Variants in DPP6 observed in about 807,000 individuals in gnomAD.
DPP6 encodes the protein A-type potassium channel modulatory protein DPP6.
In DPP6, 69 loss-of-function variants were observed where a neutral mutation model predicts 122.6. That is an observed-to-expected ratio of 0.56 (90% CI 0.46 to 0.69). DPP6 has a LOEUF of 0.69. Among genes scored for constraint, DPP6 ranks in the 30% least tolerant of loss-of-function variants. The pLI is 0.00. For synonymous variants in DPP6, 418 were observed against 433.1 expected (o/e 0.97, Z 0.43); for missense variants, 928 against 1,116.9 (o/e 0.83, Z 2.41).
chr7:153,940,858 C>T (rs1801665116), intron 1 of DPP6, among the ~76,000 whole-genome samples: 1 of 152,164 alleles, frequency 6.6e-6, no homozygotes, highest in Non-Finnish European at 1.5e-5. Context: ...TGCGCAGCTT[C>T]AAGACAAGGT....
intron 1 of DPP6, among the ~76,000 whole-genome samples, chr7:154,230,902 C>T (rs904064457): frequency 6.6e-6 from 1 of 152,176 alleles, no homozygotes; most frequent in Non-Finnish European, 1.5e-5. Context: ...AACTATTCTA[C>T]CTGTAAGTGC....
chr7:154,887,587 C>A, intron 22 of DPP6, 89 bp from the exon 23 acceptor site: 1 of 1,354,756 alleles, frequency 7.4e-7, no homozygotes, highest in Non-Finnish European at 1.1e-6. Flanking sequence ...TCACCCCGCA[C>A]CCGGTCCAGG....
chr7:153,768,767 A>G, the DPP6 span, among the ~76,000 whole-genome samples: 16 of 152,174 alleles, frequency 1.1e-4, no homozygotes, highest in Non-Finnish European at 1.6e-4. Context: ...ATTGCAGTGT[A>G]TTTACCACCT....
chr7:154,383,693 C>G (rs1813828877), intron 1 of DPP6, among the ~76,000 whole-genome samples: 1 of 152,068 alleles, frequency 6.6e-6, no homozygotes, highest in Admixed American at 6.5e-5. Flanking sequence ...AGTTCGAGAC[C>G]AGCCTGGCCA....
At chr7:154,258,440 C>A (rs969753991) in intron 1 of DPP6, among the ~76,000 whole-genome samples, 4 of 152,172 alleles carry the variant, frequency 2.6e-5, no homozygotes, top group Non-Finnish European at 5.9e-5. Flanking sequence ...TGAACAGTAA[C>A]TGAGATCCCG....
chr7:154,874,857 G>A (rs564571923), intron 19 of DPP6, among the ~76,000 whole-genome samples: 1 of 152,340 alleles, frequency 6.6e-6, no homozygotes, highest in South Asian at 2.1e-4. Flanking sequence ...TGGTCAATGA[G>A]GAACAACCAG....
intron 1 of DPP6, among the ~76,000 whole-genome samples, chr7:154,343,212 A>G (rs1810082139): frequency 6.6e-6 from 1 of 152,212 alleles, no homozygotes; most frequent in African/African-American, 2.4e-5. Context: ...AACGCCACAC[A>G]CTTTGTGGCT....
chr7:154,810,599 T>G (rs1798993967), intron 16 of DPP6, among the ~76,000 whole-genome samples: 1 of 152,190 alleles, frequency 6.6e-6, no homozygotes, highest in African/African-American at 2.4e-5. Context: ...GACTCCATAG[T>G]TGATACCTGG....
chr7:154,889,620 G>A, intron 25 of DPP6, 90 bp downstream of exon 25: 4 of 1,536,974 alleles, frequency 2.6e-6, no homozygotes, highest in Non-Finnish European at 3.5e-6. Flanking sequence ...GCCTTCTACT[G>A]CAGCAGACAC....
intron 1 of DPP6, among the ~76,000 whole-genome samples, chr7:154,397,814 G>T (rs560973261): frequency 1.3e-5 from 2 of 152,242 alleles, no homozygotes; most frequent in African/African-American, 4.8e-5. Flanking sequence ...ATTTGTTTGC[G>T]CTGTGCTGTA....
chr7:154,662,748 G>C (rs1325963980), intron 6 of DPP6, among the ~76,000 whole-genome samples: 1 of 67,996 alleles, frequency 1.5e-5, no homozygotes, highest in Non-Finnish European at 3.3e-5. Context: ...TGTTCATATA[G>C]TCATGGTGAA....
intron 1 of DPP6, among the ~76,000 whole-genome samples, chr7:153,977,038 G>A (rs1796340593): frequency 1.3e-5 from 2 of 152,210 alleles, no homozygotes; most frequent in South Asian, 4.1e-4. Context: ...CTTCTTCTAA[G>A]CTGCAGGAGC....
At chr7:154,285,998 C>A (rs995344505) in intron 1 of DPP6, among the ~76,000 whole-genome samples, 1 of 152,218 alleles carries the variant, frequency 6.6e-6, no homozygotes, top group Non-Finnish European at 1.5e-5. Flanking sequence ...TTTTCCCTGT[C>A]ATACTGAAAT....
At chr7:154,521,953 G>A (rs370722757) in intron 3 of DPP6, among the ~76,000 whole-genome samples, 2 of 151,478 alleles carry the variant, frequency 1.3e-5, no homozygotes, top group Non-Finnish European at 2.9e-5. Context: ...AAAATATTAC[G>A]TGGTCTTTCT....
At chr7:154,553,151 C>T (rs1041364669) in intron 4 of DPP6, among the ~76,000 whole-genome samples, 175 of 152,352 alleles carry the variant, frequency 1.1e-3, no homozygotes, top group Middle Eastern at 3.4e-3. Context: ...ACAGTGGCTG[C>T]TTCAAGTCCA....
At position 154,537,429 on chromosome 7, in the gene DPP6, C is replaced by T. The variant is rs547914596; in HGVS notation, c.458-3103C>T. 6.6e-5 allele frequency among the ~76,000 whole-genome samples: 10 copies of T among 152,258 alleles called. No individual in the cohort carries two copies. In the South Asian group the frequency reaches 1.9e-3, roughly 28 times the overall value. On this transcript the variant is annotated intron_variant, in intron 3 of 25. Transcript: ENST00000377770. ...TTAGAGAGGATGTGAGTTATGAGAT[C>T]TCATTCACTATTGGTGCCTGTTAAA...
intron 7 of DPP6, among the ~76,000 whole-genome samples, chr7:154,693,087 T>C (rs1244475327): frequency 2.1e-5 from 3 of 143,390 alleles, no homozygotes; most frequent in African/African-American, 7.7e-5. Flanking sequence ...CCACTGGGCC[T>C]GGCCCTCTTT....
chr7:154,612,024 A>G (rs1246669833), intron 5 of DPP6, among the ~76,000 whole-genome samples: 7 of 152,216 alleles, frequency 4.6e-5, no homozygotes, highest in Admixed American at 2.6e-4. Context: ...GTACAGCCCA[A>G]TGAAAGGTGT....
In DPP6 at chr7:154,267,458, T is replaced by C. The variant is rs1241269034; in HGVS notation, c.244-178756T>C. ...TGCACATACATATATAATGTGTGTA[T>C]ATATTTATCTCTTATAAACACATAC... On this transcript the variant is annotated intron_variant, in intron 1 of 25. Transcript: ENST00000377770. Among the ~76,000 whole-genome samples, 7 of 147,808 alleles carry C rather than the reference T, an allele frequency of 4.7e-5. No individual in the cohort carries two copies. The South Asian group carries it at 1.3e-3, about 27-fold the overall frequency.
Sources: allele counts gnomAD v4.1 joint callset (sites outside exome capture counted in the v4.1 genomes callset), GRCh38; gene constraint gnomAD v4.1.1; transcripts MANE v1.5; gene names NCBI Gene and HGNC (gene_info 2026-07-23, HGNC 2026-07-21).